CHIC2: variants seen among roughly 807,000 people sequenced by gnomAD.
The protein encoded by CHIC2 is cysteine-rich hydrophobic domain-containing protein 2.
Under a neutral mutation model 25.9 loss-of-function variants are expected in CHIC2, and 14 were observed. That is an observed-to-expected ratio of 0.54 (90% CI 0.36 to 0.85). CHIC2 has a LOEUF of 0.85. Among genes scored for constraint, CHIC2 ranks in the 40% least tolerant of loss-of-function variants. CHIC2 has a pLI of 0.01. For missense variants in CHIC2, 146 were observed against 202.0 expected (o/e 0.72, Z 1.68); for synonymous variants, 70 against 72.0 (o/e 0.97, Z 0.14).
chr4:54,083,832 C>T, the CHIC2 span, among the ~76,000 whole-genome samples: 14 of 152,120 alleles, frequency 9.2e-5, no homozygotes, highest in Non-Finnish European at 1.5e-4. Flanking sequence ...AAAGACCATT[C>T]ATCTTACTAC....
rs1299596518 is a variant in CHIC2, at chr4:54,013,904, A to C, written c.388-8T>G. ...TCTCCAATGCAAGCACAGCTAGACA[A>C]GTAGGAAAGTAAAAGAAGAAAAATG... On this transcript the variant is annotated splice_polypyrimidine_tract_variant and splice_region_variant and intron_variant, in intron 4 of 5. Coordinates refer to ENST00000263921, the MANE Select transcript of CHIC2 (RefSeq NM_012110.4). The C allele has an allele frequency of 6.2e-7, 1 of 1,613,170 alleles. No homozygotes were observed. The highest frequency in any genetic ancestry group is 8.5e-7 in the Non-Finnish European group (1 of 1,179,390).
chr4:54,038,819 C>T (rs1560389981), intron 3 of CHIC2, among the ~76,000 whole-genome samples: 2 of 151,806 alleles, frequency 1.3e-5, no homozygotes, highest in African/African-American at 2.4e-5. Context: ...CCCAGGAGTT[C>T]GAGACCAACC....
At chr4:54,058,146 C>T (rs1159599812) in intron 1 of CHIC2, among the ~76,000 whole-genome samples, 1 of 152,124 alleles carries the variant, frequency 6.6e-6, no homozygotes, top group Non-Finnish European at 1.5e-5. Context: ...AAGCATACTT[C>T]ACATTTTAGA....
Position 54,064,574 on chromosome 4 carries a change from C to T in CHIC2, c.-274G>A. ...ACCTCCACAAGCACAGACGCCGCTGCCGCCGCCGCAGCAGCAGCAACTCAG... is the reference window on the plus strand; with the variant it reads ...ACCTCCACAAGCACAGACGCCGCTGTCGCCGCCGCAGCAGCAGCAACTCAG... On this transcript the variant is annotated 5_prime_UTR_variant, in exon 1 of 6. Coordinates refer to ENST00000263921, the MANE Select transcript of CHIC2 (RefSeq NM_012110.4). This position sits in a 1 kb window ranked among gnomAD's most constrained non-coding sequence, Gnocchi z 4.2. 7.9e-7 allele frequency: 1 copy of T among 1,264,288 alleles called. No homozygotes were observed. Among genetic ancestry groups the T allele is most frequent in the Non-Finnish European group, 1.0e-6 (1 of 1,004,224 alleles). 78.3% of individuals were successfully genotyped at this position (1,264,288 alleles called of 1,614,324 possible).
chr4:54,028,510 T>C (rs1012121767), intron 3 of CHIC2, among the ~76,000 whole-genome samples: 3 of 152,228 alleles, frequency 2.0e-5, no homozygotes, highest in South Asian at 2.1e-4. Flanking sequence ...ATACAGTACA[T>C]GTAAATTGAT....
At chr4:54,048,075 G>A (rs772986948) in intron 3 of CHIC2, among the ~76,000 whole-genome samples, 13 of 152,080 alleles carry the variant, frequency 8.5e-5, no homozygotes, top group Non-Finnish European at 1.6e-4. Context: ...TGCAACCTTC[G>A]CCCTCCAGGT....
chr4:54,048,606 G>A (rs906566425), intron 3 of CHIC2, among the ~76,000 whole-genome samples: 1 of 151,946 alleles, frequency 6.6e-6, no homozygotes, highest in Admixed American at 6.6e-5. Context: ...GTTGTGTCAA[G>A]TAGGGTTTAA....
At chr4:54,014,339 T>C (rs996913634) in intron 3 of CHIC2, among the ~76,000 whole-genome samples, 3 of 152,138 alleles carry the variant, frequency 2.0e-5, no homozygotes, top group Non-Finnish European at 4.4e-5. Flanking sequence ...ACGAATCTTT[T>C]TTTACTAGCC....
chr4:54,069,826 C>T, the CHIC2 span, among the ~76,000 whole-genome samples: 26 of 152,202 alleles, frequency 1.7e-4, no homozygotes, highest in African/African-American at 5.5e-4. Context: ...TTCATTCATT[C>T]AACAAATTTG....
At chr4:54,018,574 G>C (rs887571254) in intron 3 of CHIC2, among the ~76,000 whole-genome samples, 1 of 151,796 alleles carries the variant, frequency 6.6e-6, no homozygotes, top group African/African-American at 2.4e-5. Context: ...ACAAAGAAGT[G>C]GTTTTCTAGA....
At chr4:54,013,327 T>C (rs1478565287) in intron 5 of CHIC2, among the ~76,000 whole-genome samples, 1 of 152,086 alleles carries the variant, frequency 6.6e-6, no homozygotes, top group Non-Finnish European at 1.5e-5. Flanking sequence ...CATCTCCTGC[T>C]TACTTTTAAT....
intron 3 of CHIC2, among the ~76,000 whole-genome samples, chr4:54,030,069 TAC>T (rs1441989093): frequency 6.6e-6 from 1 of 151,938 alleles, no homozygotes; most frequent in Non-Finnish European, 1.5e-5. Flanking sequence ...TAAAAAAAAA[TAC>T]AGTGAACTGG....
intron 1 of CHIC2, among the ~76,000 whole-genome samples, chr4:54,053,951 G>C (rs991277169): frequency 6.6e-6 from 1 of 151,926 alleles, no homozygotes; most frequent in East Asian, 1.9e-4. Context: ...CCACCATGCT[G>C]GGCTAATTTT....
chr4:54,071,494 T>C, the CHIC2 span, among the ~76,000 whole-genome samples: 1 of 152,362 alleles, frequency 6.6e-6, no homozygotes, highest in Non-Finnish European at 1.5e-5. Flanking sequence ...GTTAGGTAAC[T>C]TGGCCAAGGC....
At chr4:54,063,852 G>C (rs1226065617) in intron 1 of CHIC2, among the ~76,000 whole-genome samples, 2 of 152,220 alleles carry the variant, frequency 1.3e-5, no homozygotes, top group Non-Finnish European at 2.9e-5. Context: ...GAGAAAACAA[G>C]GAGGCTCCCT....
At chr4:54,057,701 A>G (rs1006584090) in intron 1 of CHIC2, among the ~76,000 whole-genome samples, 1 of 152,228 alleles carries the variant, frequency 6.6e-6, no homozygotes, top group Non-Finnish European at 1.5e-5. Context: ...AAAAATGGGC[A>G]TTTAACAAAT....
At chr4:54,031,233 C>A (rs2110071282) in intron 3 of CHIC2, among the ~76,000 whole-genome samples, 1 of 151,178 alleles carries the variant, frequency 6.6e-6, no homozygotes, top group East Asian at 1.9e-4. Context: ...TCAAGGTCAC[C>A]CAGCTTCAAA....
chr4:54,030,446 C>T (rs1716189520), intron 3 of CHIC2, among the ~76,000 whole-genome samples: 1 of 150,476 alleles, frequency 6.6e-6, no homozygotes, highest in East Asian at 2.0e-4. Context: ...TCACTTGAGC[C>T]CAGGAGGTCC....
chr4:54,069,193 A>G (rs1717572117), upstream of CHIC2, among the ~76,000 whole-genome samples: 1 of 152,078 alleles, frequency 6.6e-6, no homozygotes, highest in Non-Finnish European at 1.5e-5. Flanking sequence ...ACATCCAGCT[A>G]ATTTTTATAT....
Sources: gnomAD v4.1 joint callset for allele counts (sites outside exome capture counted in the v4.1 genomes callset) on GRCh38, gnomAD v4.1.1 for gene constraint, Gnocchi (gnomAD v3.1) non-coding constraint, MANE v1.5 for transcripts, NCBI Gene and HGNC (gene_info 2026-07-23, HGNC 2026-07-21) for gene names.